Variants in CCDC178 observed in about 807,000 individuals in gnomAD.
CCDC178 encodes the protein coiled-coil domain-containing protein 178.
Under a neutral mutation model 117.4 loss-of-function variants are expected in CCDC178, and 126 were observed. The observed-to-expected ratio is 1.07, with a 90% CI of 0.93 to 1.24. The LOEUF (loss-of-function observed/expected upper bound fraction) is 1.24. Among genes scored for constraint, CCDC178 ranks in the 50% most tolerant of loss-of-function variants. The pLI, the probability that CCDC178 is intolerant of heterozygous loss-of-function variation, is 0.00. For missense variants in CCDC178, 1,030 were observed against 986.9 expected (o/e 1.04, Z -0.59); for synonymous variants, 283 against 313.4 (o/e 0.90, Z 1.02).
At chr18:33,306,032 C>T (rs2062243381) in intron 11 of CCDC178, among the ~76,000 whole-genome samples, 1 of 152,180 alleles carries the variant, frequency 6.6e-6, no homozygotes, top group Non-Finnish European at 1.5e-5. Context: ...CCTGCAACTA[C>T]AGAATTAACT....
chr18:33,388,961 G>A (rs1454131332), intron 5 of CCDC178, among the ~76,000 whole-genome samples: 1 of 151,984 alleles, frequency 6.6e-6, no homozygotes, highest in Non-Finnish European at 1.5e-5. Flanking sequence ...ACATAGGGAG[G>A]GGAAGAGCAC....
chr18:33,422,842 CTCTG>C (rs1375584788), intron 2 of CCDC178, among the ~76,000 whole-genome samples: 3 of 152,104 alleles, frequency 2.0e-5, no homozygotes, highest in South Asian at 2.1e-4. Context: ...TCACTTTGCT[CTCTG>C]TCTATTAAAG....
At chr18:33,121,614 A>G (rs2057938919) in intron 20 of CCDC178, among the ~76,000 whole-genome samples, 1 of 152,110 alleles carries the variant, frequency 6.6e-6, no homozygotes, top group South Asian at 2.1e-4. Flanking sequence ...GAATGTAGCA[A>G]GATACTATAG....
chr18:33,397,639 T>C (rs1156541675), intron 3 of CCDC178, among the ~76,000 whole-genome samples: 1 of 152,020 alleles, frequency 6.6e-6, no homozygotes, highest in Non-Finnish European at 1.5e-5. Context: ...AAAAATACAA[T>C]ACATGAAGAA....
In CCDC178 at chr18:33,309,939, TTTTATTTATTTATTTATTTA is replaced by T. The variant is rs138569090; in HGVS notation, c.1022+13532_1022+13551del. On this transcript the variant is annotated intron_variant, in intron 11 of 22. Coordinates refer to ENST00000383096, the MANE Select transcript of CCDC178 (RefSeq NM_001105528.4). ...TGTTTTTTTTTTCTTTTTTCTTTTC[TTTTATTTATTTATTTATTTA>T]TTTATTTATTTATTTATTTATTTAT... Among the ~76,000 whole-genome samples the T allele has an allele frequency of 1.9e-3, 275 of 141,264 alleles. 3 individuals carry two copies. The East Asian group carries it at 0.028, about 14-fold the overall frequency. The allele number at this position is 141,264 out of a possible 152,430, so 92.7% of individuals were successfully genotyped here.
intron 11 of CCDC178, among the ~76,000 whole-genome samples, chr18:33,315,088 C>G (rs375920247): frequency 6.6e-6 from 1 of 152,076 alleles, no homozygotes; most frequent in Non-Finnish European, 1.5e-5. Flanking sequence ...GGTCTCATAG[C>G]CCCTAGGGAA....
At chr18:33,045,315 A>T (rs2056622817) in intron 21 of CCDC178, among the ~76,000 whole-genome samples, 1 of 152,164 alleles carries the variant, frequency 6.6e-6, no homozygotes, top group Admixed American at 6.6e-5. Flanking sequence ...CTACCGTGTT[A>T]ATGTCATAGT....
At chr18:33,241,194 C>G (rs1275775347) in intron 15 of CCDC178, among the ~76,000 whole-genome samples, 1 of 151,722 alleles carries the variant, frequency 6.6e-6, no homozygotes, top group Non-Finnish European at 1.5e-5. Context: ...AGGAAAATAT[C>G]TCAACACAAT....
chr18:33,329,233 T>A (rs1002195390), intron 10 of CCDC178, among the ~76,000 whole-genome samples: 12 of 152,166 alleles, frequency 7.9e-5, no homozygotes, highest in South Asian at 4.1e-4. Context: ...TGCCCTCTGA[T>A]AATAAAGAAA....
At chr18:33,103,876 T>C (rs2057664674) in intron 20 of CCDC178, among the ~76,000 whole-genome samples, 2 of 151,788 alleles carry the variant, frequency 1.3e-5, no homozygotes, top group South Asian at 2.1e-4. Flanking sequence ...CATTCATTTG[T>C]AGAATGGCTA....
At chr18:33,278,755 G>A (rs377360771) in intron 12 of CCDC178, among the ~76,000 whole-genome samples, 323 of 152,140 alleles carry the variant, frequency 2.1e-3, no homozygotes, top group African/African-American at 7.4e-3. Flanking sequence ...GGACAATATG[G>A]AACGATAATA....
chr18:33,112,183 A>G (rs1211804948), intron 20 of CCDC178, among the ~76,000 whole-genome samples: 2 of 151,838 alleles, frequency 1.3e-5, no homozygotes, highest in Non-Finnish European at 2.9e-5. Flanking sequence ...ATAGTTTTTT[A>G]TATAGTTTTA....
chr18:33,363,613 A>C (rs1377768473), intron 6 of CCDC178, among the ~76,000 whole-genome samples: 1 of 151,882 alleles, frequency 6.6e-6, no homozygotes, highest in Non-Finnish European at 1.5e-5. Context: ...CCCCTTTTTG[A>C]ATGAGGGGTT....
chr18:33,283,448 C>G (rs1418542461), intron 12 of CCDC178, among the ~76,000 whole-genome samples: 1 of 152,052 alleles, frequency 6.6e-6, no homozygotes, highest in Non-Finnish European at 1.5e-5. Context: ...TTCTGCACAG[C>G]AAGAGAAAGT....
intron 9 of CCDC178, among the ~76,000 whole-genome samples, chr18:33,334,045 T>C (rs972753545): frequency 9.9e-5 from 15 of 151,572 alleles, no homozygotes; most frequent in African/African-American, 3.6e-4. Context: ...AGGAAAATGA[T>C]GAAATAAGAC....
intron 20 of CCDC178, among the ~76,000 whole-genome samples, chr18:33,136,872 G>A (rs543757569): frequency 1.3e-5 from 2 of 152,128 alleles, no homozygotes; most frequent in African/African-American, 2.4e-5. Context: ...AATTATCTAT[G>A]TGATCTATTT....
At chr18:33,083,786 C>T (rs1472141214) in intron 21 of CCDC178, among the ~76,000 whole-genome samples, 2 of 152,182 alleles carry the variant, frequency 1.3e-5, no homozygotes, top group African/African-American at 4.8e-5. Context: ...AACCCACAGA[C>T]ATTTAATTTT....
chr18:33,315,817 G>A (rs1162919480), intron 11 of CCDC178, among the ~76,000 whole-genome samples: 1 of 152,196 alleles, frequency 6.6e-6, no homozygotes, highest in African/African-American at 2.4e-5. Context: ...CCAGATTTGG[G>A]AGTGTCCATA....
chr18:33,309,928 TTTTTC>T (rs1485227573), intron 11 of CCDC178, among the ~76,000 whole-genome samples: 3 of 151,330 alleles, frequency 2.0e-5, no homozygotes, highest in African/African-American at 2.4e-5. Flanking sequence ...TTTTTTTTCT[TTTTTC>T]TTTTCTTTTA....
Sources: allele counts gnomAD v4.1 joint callset (sites outside exome capture counted in the v4.1 genomes callset), GRCh38; gene constraint gnomAD v4.1.1; transcripts MANE v1.5; gene names NCBI Gene and HGNC (gene_info 2026-07-23, HGNC 2026-07-21).